Variants in SLC24A2 observed in about 807,000 individuals in gnomAD.
SLC24A2 encodes the protein solute carrier family 24 member 2, also known as sodium/potassium/calcium exchanger 2.
In SLC24A2, 36 loss-of-function variants were observed where a neutral mutation model predicts 62.0. That is an observed-to-expected ratio of 0.58 (90% CI 0.44 to 0.77). The LOEUF is 0.77. Among genes scored for constraint, SLC24A2 ranks in the 30% least tolerant of loss-of-function variants. The probability of loss-of-function intolerance (pLI) is 0.00; values close to 1 mark genes in which losing one functional copy is unlikely to be tolerated. For missense variants in SLC24A2, 846 were observed against 817.9 expected, an observed-to-expected ratio of 1.03 and a Z score of -0.42; for synonymous variants, 358 against 294.0, an observed-to-expected ratio of 1.22 and a Z score of -2.23.
the SLC24A2 span, among the ~76,000 whole-genome samples, chr9:20,259,326 A>C: frequency 6.6e-6 from 1 of 152,214 alleles, no homozygotes; most frequent in Non-Finnish European, 1.5e-5. Flanking sequence ...CAGCAATAGA[A>C]AATTAATGCA....
the SLC24A2 span, among the ~76,000 whole-genome samples, chr9:19,869,215 A>T: frequency 6.6e-6 from 1 of 152,304 alleles, no homozygotes; most frequent in South Asian, 2.1e-4. Flanking sequence ...TCCTAGGCTC[A>T]AGCAGTTCTC....
chr9:20,103,692 C>T, the SLC24A2 span, among the ~76,000 whole-genome samples: 3 of 152,146 alleles, frequency 2.0e-5, no homozygotes, highest in African/African-American at 7.2e-5. Flanking sequence ...ACAAAAAACC[C>T]ACCTGTACAT....
At position 19,516,251 on chromosome 9, in the gene SLC24A2, T is replaced by C; in HGVS notation, c.1888A>G (p.Lys630Glu). 5 of 1,614,150 alleles carry C rather than the reference T, an allele frequency of 3.1e-6. No homozygotes were observed. The highest frequency in any genetic ancestry group is 4.2e-6 in the Non-Finnish European group (5 of 1,180,018). Residue 630 changes from lysine to glutamate, a missense_variant, in exon 11 of 11, where the codon AAA (lysine) becomes GAA (glutamate). Physicochemically the swap from Lys to Glu is moderately conservative, Grantham distance 56. Transcript: ENST00000341998. ...CCAAACATGATGAAGCCCAGGATTTTGTTCATTCGCCACTTGCAGAGGGCG... is the reference window on the plus strand; with the variant it reads ...CCAAACATGATGAAGCCCAGGATTTCGTTCATTCGCCACTTGCAGAGGGCG... ...SIALCKWRMN[K>E]ILGFIMFGLY...
At chr9:19,964,219 T>C in the SLC24A2 span, among the ~76,000 whole-genome samples, 1 of 75,146 alleles carries the variant, frequency 1.3e-5, no homozygotes, top group Admixed American at 2.1e-4. Context: ...GGGACTGTTG[T>C]GGGGTGGGGG....
chr9:19,536,226 G>A (rs10738541), intron 8 of SLC24A2, among the ~76,000 whole-genome samples: 113,276 of 148,728 alleles, frequency 0.76, 44,462 homozygotes, highest in East Asian at 1. Flanking sequence ...TACACTTTAA[G>A]TTTTAGGGTA....
chr9:19,526,822 C>T (rs1833466984), intron 9 of SLC24A2, among the ~76,000 whole-genome samples: 1 of 150,038 alleles, frequency 6.7e-6, no homozygotes, highest in Non-Finnish European at 1.5e-5. Flanking sequence ...ATGGTGTTTC[C>T]TGAAGAGCAA....
At chr9:20,251,269 G>C in the SLC24A2 span, among the ~76,000 whole-genome samples, 1 of 152,044 alleles carries the variant, frequency 6.6e-6, no homozygotes, top group Non-Finnish European at 1.5e-5. Context: ...AGGTCCCCCA[G>C]GTTTGTCCCC....
chr9:20,233,340 A>G, the SLC24A2 span, among the ~76,000 whole-genome samples: 1 of 152,050 alleles, frequency 6.6e-6, no homozygotes, highest in Non-Finnish European at 1.5e-5. Flanking sequence ...AAAGTCTCCC[A>G]TTATTATTGT....
At chr9:19,671,255 T>A (rs1020984094) in intron 2 of SLC24A2, among the ~76,000 whole-genome samples, 1 of 151,940 alleles carries the variant, frequency 6.6e-6, no homozygotes, top group Non-Finnish European at 1.5e-5. Flanking sequence ...CTTGTAGAAG[T>A]CTTTTACCTC....
intron 2 of SLC24A2, among the ~76,000 whole-genome samples, chr9:19,661,028 A>G (rs1819083021): frequency 1.3e-5 from 2 of 152,150 alleles, no homozygotes; most frequent in Non-Finnish European, 2.9e-5. Flanking sequence ...CCTGCCAGCT[A>G]GTGTTGCTGC....
chr9:20,094,042 T>C, the SLC24A2 span, among the ~76,000 whole-genome samples: 1 of 152,306 alleles, frequency 6.6e-6, no homozygotes, highest in African/African-American at 2.4e-5. Flanking sequence ...TCAAAACCAT[T>C]TTCATAATAC....
In SLC24A2 at chr9:19,720,837, A is replaced by ATGTGTGTG. The variant is rs10692458; in HGVS notation, c.930+65092_930+65099dup. On this transcript the variant is annotated intron_variant, in intron 2 of 10. Coordinates refer to ENST00000341998, the MANE Select transcript of SLC24A2 (RefSeq NM_020344.4). ...AAACAATTTGTGTATATGTGGAATG[A>ATGTGTGTG]TGTGTGTGTGTGTGTGTGTGTGTGT... 3.1e-3 allele frequency among the ~76,000 whole-genome samples: 439 copies of ATGTGTGTG among 140,522 alleles called. 2 individuals are homozygous for ATGTGTGTG. Among genetic ancestry groups the ATGTGTGTG allele is most frequent in the African/African-American group, 7.7e-3 (295 of 38,118 alleles). The allele number at this position is 140,522 out of a possible 152,430, so 92.2% of individuals were successfully genotyped here.
the SLC24A2 span, among the ~76,000 whole-genome samples, chr9:20,189,664 C>T: frequency 2.0e-5 from 3 of 152,118 alleles, no homozygotes; most frequent in African/African-American, 7.2e-5. Flanking sequence ...CATGAGCCTC[C>T]CTTTGGAGAG....
chr9:19,636,327 C>CCTTTTCTTTTCT, intron 2 of SLC24A2, among the ~76,000 whole-genome samples: 1 of 20,748 alleles, frequency 4.8e-5, no homozygotes, highest in African/African-American at 2.1e-4. Flanking sequence ...TTCTTTCTTT[C>CCTTTTCTTTTCT]TTTCTTTCTT....
the SLC24A2 span, among the ~76,000 whole-genome samples, chr9:20,246,572 G>T: frequency 8.5e-5 from 13 of 152,318 alleles, no homozygotes; most frequent in African/African-American, 3.1e-4. Context: ...TGTGTTGATA[G>T]AATTTAATGA....
At chr9:20,099,032 G>A in the SLC24A2 span, among the ~76,000 whole-genome samples, 1 of 152,194 alleles carries the variant, frequency 6.6e-6, no homozygotes, top group Non-Finnish European at 1.5e-5. Context: ...TAATGTATTT[G>A]CTGCCTCCAC....
the SLC24A2 span, among the ~76,000 whole-genome samples, chr9:20,301,547 T>C: frequency 2.6e-5 from 4 of 151,874 alleles, no homozygotes; most frequent in African/African-American, 7.3e-5. Context: ...CAGGGTATCA[T>C]AGTAAGAGAT....
chr9:20,207,668 C>A, the SLC24A2 span, among the ~76,000 whole-genome samples: 1 of 152,132 alleles, frequency 6.6e-6, no homozygotes, highest in Admixed American at 6.5e-5. Flanking sequence ...AAATGTTAGA[C>A]TGAACTGAAA....
At chr9:20,142,923 G>A in the SLC24A2 span, among the ~76,000 whole-genome samples, 9 of 152,144 alleles carry the variant, frequency 5.9e-5, no homozygotes, top group Admixed American at 3.9e-4. Flanking sequence ...ACCTGAAGAA[G>A]GAAGGAGGTC....
Sources: allele counts gnomAD v4.1 joint callset (sites outside exome capture counted in the v4.1 genomes callset), GRCh38; gene constraint gnomAD v4.1.1; transcripts MANE v1.5; gene names NCBI Gene and HGNC (gene_info 2026-07-23, HGNC 2026-07-21).